Variants in MAPK14 observed in about 807,000 individuals in gnomAD.
MAPK14 encodes the protein CSAID-binding protein.
A neutral mutation model predicts 49.6 loss-of-function variants in MAPK14; 16 were observed. The observed-to-expected ratio is 0.32, with a 90% CI of 0.22 to 0.49. The LOEUF (loss-of-function observed/expected upper bound fraction) is 0.49, where lower values mean the gene tolerates loss of function less well. MAPK14 is among the 20% of genes least tolerant of loss of function. The probability of loss-of-function intolerance (pLI) is 0.99; values close to 1 mark genes in which losing one functional copy is unlikely to be tolerated. For synonymous variants in MAPK14, 142 were observed against 158.0 expected (o/e 0.90, Z 0.76); for missense variants, 200 against 441.2 (o/e 0.45, Z 4.90).
Position 36,057,483 on chromosome 6 carries a change from C to G in MAPK14, c.247-1806C>G, listed in dbSNP as rs180671308. Among the ~76,000 whole-genome samples the G allele has an allele frequency of 2.1e-4, 32 of 152,256 alleles. No homozygotes were observed. The East Asian group carries it at 5.6e-3, about 27-fold the overall frequency. ...GGAACAATTTTCAAGGACTTGAAAC[C>G]TATTCTTGAATTCCAAGTATGTGTC... On this transcript the variant is annotated intron_variant, in intron 2 of 11. Transcript: ENST00000229794.
intron 7 of MAPK14, 56 bp from the exon 8 acceptor site, chr6:36,076,481 C>T: frequency 1.5e-6 from 2 of 1,291,648 alleles, no homozygotes; most frequent in Non-Finnish European, 2.3e-6. Context: ...TCATTTGTTG[C>T]CAAGAATTGT....
rs532931994 is a variant in MAPK14, at chr6:36,077,306, A to G, written c.682+698A>G. ...AAAAATGTGGTCTGTTGGAACTCTC[A>G]TCAGTTCTACTTATGGAAGATGTTT... is the stretch of plus-strand genomic sequence containing the variant. On this transcript the variant is annotated intron_variant, in intron 8 of 11. Transcript: ENST00000229794. Among the ~76,000 whole-genome samples the G allele has an allele frequency of 6.6e-5, 10 of 152,218 alleles. No individual in the cohort carries two copies. The South Asian group carries it at 2.1e-3, about 32-fold the overall frequency.
chr6:36,100,009 T>C (rs562111575), intron 9 of MAPK14, among the ~76,000 whole-genome samples: 1 of 152,338 alleles, frequency 6.6e-6, no homozygotes, highest in East Asian at 1.9e-4. Context: ...ACGTGCCTAG[T>C]TACTCATGTC....
chr6:36,059,797 C>T (rs2127425950), intron 3 of MAPK14, among the ~76,000 whole-genome samples: 2 of 152,252 alleles, frequency 1.3e-5, no homozygotes, highest in East Asian at 3.9e-4. Context: ...GAACTACAGG[C>T]ACATGCTACC....
chr6:36,118,223 A>G, the MAPK14 span, among the ~76,000 whole-genome samples: 13 of 152,364 alleles, frequency 8.5e-5, no homozygotes, highest in East Asian at 2.5e-3. Context: ...TAAAATGAAA[A>G]TAGCAAGGCA....
chr6:36,047,245 G>A (rs1763214624), intron 1 of MAPK14, among the ~76,000 whole-genome samples: 1 of 152,194 alleles, frequency 6.6e-6, no homozygotes, highest in Non-Finnish European at 1.5e-5. Context: ...AGGTTCCTGA[G>A]CAGGTGACTA....
Position 36,039,900 on chromosome 6 carries a change from G to T in MAPK14, c.116+11627G>T, listed in dbSNP as rs112692731. Among the ~76,000 whole-genome samples, 588 of 151,340 alleles carry T rather than the reference G, an allele frequency of 3.9e-3. 4 individuals are homozygous for T. Among genetic ancestry groups the T allele is most frequent in the African/African-American group, 0.013 (553 of 41,192 alleles). Reference sequence around the variant, plus strand: ...AATCCCAGCTATTCAGGAGGCTGAGGCACAAGAATCACTTGAACCCGGGAG... The same window carrying T: ...AATCCCAGCTATTCAGGAGGCTGAGTCACAAGAATCACTTGAACCCGGGAG... On this transcript the variant is annotated intron_variant, in intron 1 of 11. Coordinates refer to ENST00000229794, the MANE Select transcript of MAPK14 (RefSeq NM_139012.3).
At chr6:36,102,838 T>C (rs1013186897) in intron 10 of MAPK14, 189 bp downstream of exon 10, 1 of 927,464 alleles carries the variant, frequency 1.1e-6, no homozygotes, top group East Asian at 2.8e-5. Flanking sequence ...GATGATTGTA[T>C]GTTTAAATGA....
intron 10 of MAPK14, among the ~76,000 whole-genome samples, chr6:36,105,825 CAA>C (rs1215933950): frequency 6.6e-6 from 1 of 152,274 alleles, no homozygotes; most frequent in East Asian, 1.9e-4. Flanking sequence ...GAGTAATTTG[CAA>C]AGTCTCAAAA....
chr6:36,116,402 C>T, the MAPK14 span, among the ~76,000 whole-genome samples: 2 of 151,192 alleles, frequency 1.3e-5, no homozygotes, highest in African/African-American at 4.9e-5. Flanking sequence ...TTTATTTACT[C>T]AGTTGTGATC....
chr6:36,119,013 CAT>C, the MAPK14 span, among the ~76,000 whole-genome samples: 2 of 152,210 alleles, frequency 1.3e-5, no homozygotes, highest in Non-Finnish European at 2.9e-5. Flanking sequence ...TGACACAAAA[CAT>C]ATTTATTGTT....
chr6:36,061,609 G>T (rs771735441), intron 3 of MAPK14, among the ~76,000 whole-genome samples: 1 of 152,200 alleles, frequency 6.6e-6, no homozygotes, highest in Non-Finnish European at 1.5e-5. Flanking sequence ...ATTACTACTT[G>T]TTGACTACTT....
intron 3 of MAPK14, among the ~76,000 whole-genome samples, chr6:36,062,199 A>G (rs1763848610): frequency 6.6e-6 from 1 of 150,894 alleles, no homozygotes; most frequent in African/African-American, 2.4e-5. Flanking sequence ...CTGGTCTCGA[A>G]CTCCTGAGCT....
rs28763973 is a variant in MAPK14, at chr6:36,107,549, C to T, written c.936C>T (p.His312=). ...ALAHAYFAQY[H]DPDDEPVADP... ...CACATGCCTACTTTGCTCAGTACCA[C>T]GATCCTGATGATGAACCAGTGGCCG... Residue 312 remains histidine, a synonymous_variant, in exon 11 of 12, where the codon CAC becomes CAT. Coordinates refer to ENST00000229794, the MANE Select transcript of MAPK14 (RefSeq NM_139012.3). This position sits in a 1 kb window ranked among gnomAD's most constrained non-coding sequence, Gnocchi z 4.3. The T allele has an allele frequency of 2.5e-3, 4,013 of 1,606,390 alleles. 82 individuals carry two copies. In the African/African-American group the frequency reaches 0.046, roughly 18 times the overall value.
chr6:36,064,028 G>T (rs1022913960), intron 3 of MAPK14, among the ~76,000 whole-genome samples: 1 of 151,834 alleles, frequency 6.6e-6, no homozygotes, highest in African/African-American at 2.4e-5. Context: ...ACCAGAGCAA[G>T]CTGTAATTCA....
intron 1 of MAPK14, among the ~76,000 whole-genome samples, chr6:36,047,823 C>G (rs1763241753): frequency 6.6e-6 from 1 of 151,852 alleles, no homozygotes; most frequent in Admixed American, 6.6e-5. Flanking sequence ...GCAACCTCCA[C>G]CTCCCTGGTT....
chr6:36,091,758 A>G (rs1417045146), intron 8 of MAPK14, among the ~76,000 whole-genome samples: 3 of 151,078 alleles, frequency 2.0e-5, no homozygotes, highest in African/African-American at 2.4e-5. Flanking sequence ...GTGTTTTTCC[A>G]TGGAGTATGG....
intron 2 of MAPK14, 147 bp from the exon 3 acceptor site, chr6:36,059,142 G>A (rs1207457753): frequency 2.5e-5 from 12 of 472,034 alleles, no homozygotes; most frequent in African/African-American, 1.4e-4. Context: ...CGCCCGCCTC[G>A]GCCTCCCAAA....
intron 1 of MAPK14, among the ~76,000 whole-genome samples, chr6:36,039,220 C>T (rs535583183): frequency 5.7e-4 from 87 of 152,284 alleles, no homozygotes; most frequent in Admixed American, 1.2e-3. Context: ...AGAGCTCCCC[C>T]TCTTTTACTG....
Sources: allele counts gnomAD v4.1 joint callset (sites outside exome capture counted in the v4.1 genomes callset), GRCh38; gene constraint gnomAD v4.1.1; non-coding constraint Gnocchi (gnomAD v3.1); transcripts MANE v1.5; gene names NCBI Gene and HGNC (gene_info 2026-07-23, HGNC 2026-07-21).